The following ZMAT4 variants were observed in gnomAD, a reference collection of about 807,000 sequenced individuals.
ZMAT4 encodes the protein zinc finger matrin-type protein 4.
Under a neutral mutation model 28.7 loss-of-function variants are expected in ZMAT4, and 17 were observed. The observed-to-expected ratio is 0.59, with a 90% CI of 0.41 to 0.89. The LOEUF is 0.89. ZMAT4 is among the 40% of genes least tolerant of loss of function. The probability of loss-of-function intolerance (pLI) is 0.00; values close to 1 mark genes in which losing one functional copy is unlikely to be tolerated. For missense variants in ZMAT4, 240 were observed against 283.8 expected (o/e 0.85, Z 1.11); for synonymous variants, 117 against 109.2 (o/e 1.07, Z -0.44).
intron 6 of ZMAT4, among the ~76,000 whole-genome samples, chr8:40,555,138 T>C (rs1377653018): frequency 6.6e-6 from 1 of 152,208 alleles, no homozygotes; most frequent in Admixed American, 6.5e-5. Flanking sequence ...TTGCTGCAAA[T>C]GGCATGATTT....
chr8:40,681,228 G>A (rs902594005), intron 4 of ZMAT4, among the ~76,000 whole-genome samples: 1 of 152,160 alleles, frequency 6.6e-6, no homozygotes, highest in Non-Finnish European at 1.5e-5. Context: ...TGCCTACAGA[G>A]CAATAGGCCA....
intron 6 of ZMAT4, among the ~76,000 whole-genome samples, chr8:40,535,654 C>A (rs1802821455): frequency 8.7e-6 from 1 of 115,522 alleles, no homozygotes. Context: ...GGCGACTGAG[C>A]AAGACTCTGT....
intron 1 of ZMAT4, among the ~76,000 whole-genome samples, chr8:40,894,257 G>A (rs1818795003): frequency 6.6e-6 from 1 of 152,222 alleles, no homozygotes; most frequent in Admixed American, 6.5e-5. Flanking sequence ...CACTCCAGGT[G>A]CTCTGGTGAG....
chr8:40,847,596 G>A (rs1475484761), intron 1 of ZMAT4, among the ~76,000 whole-genome samples: 1 of 152,240 alleles, frequency 6.6e-6, no homozygotes. Context: ...AGCATGTCAG[G>A]TATGCTCTGA....
At chr8:40,865,742 C>T (rs190058405) in intron 1 of ZMAT4, among the ~76,000 whole-genome samples, 1 of 152,192 alleles carries the variant, frequency 6.6e-6, no homozygotes, top group African/African-American at 2.4e-5. Context: ...GGACTCGAAC[C>T]CGGACTTTTA....
chr8:40,753,899 AGGTTTAGGCTG>A, intron 3 of ZMAT4, among the ~76,000 whole-genome samples: 1 of 152,334 alleles, frequency 6.6e-6, no homozygotes, highest in East Asian at 1.9e-4. Context: ...CACATTAAAT[AGGTTTAGGCTG>A]GGCACAGTGG....
At chr8:40,870,216 C>T (rs750272889) in intron 1 of ZMAT4, among the ~76,000 whole-genome samples, 22 of 152,148 alleles carry the variant, frequency 1.4e-4, no homozygotes, top group African/African-American at 4.8e-4. Flanking sequence ...GCAAGACAGC[C>T]TTTGTTCATC....
intron 5 of ZMAT4, among the ~76,000 whole-genome samples, chr8:40,656,742 C>T (rs1440729824): frequency 6.6e-6 from 1 of 151,902 alleles, no homozygotes; most frequent in African/African-American, 2.4e-5. Flanking sequence ...AACCTCTACC[C>T]CATAAATATG....
chr8:40,844,731 C>T (rs1816823407), intron 1 of ZMAT4, among the ~76,000 whole-genome samples: 1 of 148,256 alleles, frequency 6.7e-6, no homozygotes, highest in African/African-American at 2.5e-5. Flanking sequence ...GCTAATACAC[C>T]TTGCATTAGC....
intron 1 of ZMAT4, among the ~76,000 whole-genome samples, chr8:40,878,217 G>A (rs1818104919): frequency 6.6e-6 from 1 of 152,178 alleles, no homozygotes; most frequent in South Asian, 2.1e-4. Context: ...GTCGAGGGGT[G>A]GCCTGAAACA....
rs552862640 is a variant in ZMAT4, at chr8:40,557,920, G to T, written c.674+23245C>A. Among the ~76,000 whole-genome samples the T allele has an allele frequency of 1.8e-3, 280 of 152,284 alleles. 1 individual carries two copies. Among genetic ancestry groups the T allele is most frequent in the African/African-American group, 6.5e-3 (270 of 41,558 alleles). ...GATAAAAAGATGGGAATATAATGGG[G>T]GTTAACTGCTAGGTAGAGACAAAAT... On this transcript the variant is annotated intron_variant, in intron 6 of 6. Coordinates refer to ENST00000297737, the MANE Select transcript of ZMAT4 (RefSeq NM_024645.3).
intron 5 of ZMAT4, among the ~76,000 whole-genome samples, chr8:40,664,610 C>G (rs1402428806): frequency 6.6e-6 from 1 of 152,102 alleles, no homozygotes; most frequent in African/African-American, 2.4e-5. Context: ...TGACAGCAGC[C>G]CTGGTTGATG....
At chr8:40,573,685 AG>A in intron 6 of ZMAT4, among the ~76,000 whole-genome samples, 1 of 152,220 alleles carries the variant, frequency 6.6e-6, no homozygotes, top group East Asian at 1.9e-4. Context: ...AAAATGGCAA[AG>A]GCTATCTGGA....
At chr8:40,845,105 G>A (rs1440804948) in intron 1 of ZMAT4, among the ~76,000 whole-genome samples, 1 of 152,142 alleles carries the variant, frequency 6.6e-6, no homozygotes, top group Non-Finnish European at 1.5e-5. Flanking sequence ...GCGAGTCTCT[G>A]GGTAGAATAT....
intron 3 of ZMAT4, among the ~76,000 whole-genome samples, chr8:40,722,856 C>T (rs922828485): frequency 1.3e-5 from 2 of 152,116 alleles, no homozygotes; most frequent in Admixed American, 6.5e-5. Flanking sequence ...CACCTGTGAG[C>T]GTCCACATGC....
At chr8:40,667,762 T>C (rs2589895) in intron 5 of ZMAT4, among the ~76,000 whole-genome samples, 79,219 of 150,660 alleles carry the variant, frequency 0.53, 21,135 homozygotes, top group Middle Eastern at 0.64. Context: ...TTGATATATA[T>C]TATGGATGGA....
At chr8:40,700,896 C>A (rs1460617373) in intron 3 of ZMAT4, among the ~76,000 whole-genome samples, 1 of 152,204 alleles carries the variant, frequency 6.6e-6, no homozygotes, top group African/African-American at 2.4e-5. Context: ...AGGAAACTGT[C>A]TCATTGATAG....
At chr8:40,539,324 ACTCCCAGATC>A (rs978773274) in intron 6 of ZMAT4, among the ~76,000 whole-genome samples, 3 of 152,042 alleles carry the variant, frequency 2.0e-5, no homozygotes, top group Non-Finnish European at 4.4e-5. Context: ...AAGAAGCCTC[ACTCCCAGATC>A]CTCACATTTC....
At chr8:40,859,288 G>A (rs1817405864) in intron 1 of ZMAT4, among the ~76,000 whole-genome samples, 1 of 152,160 alleles carries the variant, frequency 6.6e-6, no homozygotes, top group South Asian at 2.1e-4. Flanking sequence ...CTTGTCAGCT[G>A]GTGACGAGGC....
Sources: allele counts gnomAD v4.1 joint callset (sites outside exome capture counted in the v4.1 genomes callset), GRCh38; gene constraint gnomAD v4.1.1; transcripts MANE v1.5; gene names NCBI Gene and HGNC (gene_info 2026-07-23, HGNC 2026-07-21).